GRAMD1A: variants seen among roughly 807,000 people sequenced by gnomAD.
GRAMD1A encodes GRAM domain containing 1A.
Under a neutral mutation model 92.0 loss-of-function variants are expected in GRAMD1A, and 50 were observed. That is an observed-to-expected ratio of 0.54 (90% CI 0.43 to 0.69). GRAMD1A has a LOEUF of 0.69. GRAMD1A is among the 30% of genes least tolerant of loss of function. The pLI is 0.00. For missense variants in GRAMD1A, 819 were observed against 978.9 expected (o/e 0.84, Z 2.18); for synonymous variants, 405 against 403.6 (o/e 1.00, Z -0.04).
At chr19:35,016,859 C>T (rs113347124) in intron 11 of GRAMD1A, among the ~76,000 whole-genome samples, 42,040 of 143,044 alleles carry the variant, frequency 0.29, 6,306 homozygotes, top group Middle Eastern at 0.43. Flanking sequence ...GAGCCAAGAT[C>T]GTGCCGTTGC....
intron 11 of GRAMD1A, among the ~76,000 whole-genome samples, chr19:35,018,720 C>T (rs2015818831): frequency 6.6e-6 from 1 of 152,170 alleles, no homozygotes; most frequent in Non-Finnish European, 1.5e-5. Flanking sequence ...AGGAGTGACG[C>T]TCAGGAGGTT....
At position 35,013,549 on chromosome 19, in the gene GRAMD1A, A is replaced by G. The variant is rs2015402959; in HGVS notation, c.728A>G (p.Lys243Arg). ...PLQLNGLGTP[K>R]EVGDVIALSD... ...CCTCCCCTTTCCCACAGGACCCCCA[A>G]GGAAGTGGGAGATGTGATCGCCCTG... Residue 243 changes from lysine to arginine, a missense_variant, in exon 9 of 20, where the codon AAG (lysine) becomes AGG (arginine). By Grantham distance (26) the Lys-to-Arg change is conservative. This residue lies in a region of GRAMD1A where 577 missense variants were observed against 674.6 expected (regional missense o/e 0.86). Transcript: ENST00000317991. The surrounding 1 kb of genome is among the most constrained non-coding windows in gnomAD (Gnocchi z 4.9). 1 of 1,603,632 alleles carries G rather than the reference A, an allele frequency of 6.2e-7. No individual in the cohort carries two copies. Among genetic ancestry groups the G allele is most frequent in the African/African-American group, 1.3e-5 (1 of 74,880 alleles).
intron 10 of GRAMD1A, 142 bp downstream of exon 10, chr19:35,014,529 C>A (rs1044709002): frequency 1.4e-6 from 1 of 710,376 alleles, no homozygotes; most frequent in Non-Finnish European, 2.5e-6. Flanking sequence ...CTAGAAATCT[C>A]TGTCTTTACT....
chr19:35,011,449 C>G, intron 6 of GRAMD1A, 25 bp from the exon 7 acceptor site: 1 of 597,704 alleles, frequency 1.7e-6, no homozygotes, highest in Non-Finnish European at 2.3e-6. Context: ...CTGCTCACAC[C>G]TCTCTCTCTC....
intron 16 of GRAMD1A, 57 bp from the exon 17 acceptor site, chr19:35,022,843 C>CG: frequency 1.1e-5 from 17 of 1,569,768 alleles, no homozygotes; most frequent in Admixed American, 1.8e-5. Context: ...CTGGGGGTGT[C>CG]GGGGGCAGGC....
At chr19:34,995,753 T>G (rs937685381), upstream of GRAMD1A, among the ~76,000 whole-genome samples, 1 of 151,720 alleles carries the variant, frequency 6.6e-6, no homozygotes, top group Non-Finnish European at 1.5e-5. Flanking sequence ...CTAGCTAATT[T>G]TTAACTTTTT....
chr19:35,014,420 G>A (rs765044181), intron 10 of GRAMD1A, 33 bp downstream of exon 10: 30 of 1,574,946 alleles, frequency 1.9e-5, no homozygotes, highest in Middle Eastern at 1.7e-4. Flanking sequence ...ATTCGCCTCC[G>A]GTACTTGCAA....
chr19:35,024,989 A>G (rs1325027545), intron 19 of GRAMD1A: 1 of 152,010 alleles, frequency 6.6e-6, no homozygotes, highest in Non-Finnish European at 1.5e-5. Context: ...GAGTCTCACC[A>G]TGTTGCCCAG....
intron 1 of GRAMD1A, chr19:35,001,318 A>G (rs114475922): frequency 0.018 from 2,702 of 152,610 alleles, 78 homozygotes; most frequent in African/African-American, 0.061. Context: ...GTTGTGTCTC[A>G]TTCCATCTGT....
Position 35,009,861 on chromosome 19 carries a change from A to G in GRAMD1A, c.241-27A>G, listed in dbSNP as rs375560829. On this transcript the variant is annotated intron_variant, in intron 3 of 19. Coordinates refer to ENST00000317991, the MANE Select transcript of GRAMD1A (RefSeq NM_020895.5). ...GCATTGGGAGTGTGAACCCCCATCC[A>G]GGTTCTCACCTCTCAAACTTCCTCA... The G allele has an allele frequency of 1.4e-5, 20 of 1,385,090 alleles. No homozygotes were observed. The African/African-American group carries it at 2.7e-4, about 19-fold the overall frequency. The allele number at this position is 1,385,090 out of a possible 1,614,324, so 85.8% of individuals were successfully genotyped here.
chr19:35,010,127 C>T lies in GRAMD1A; in HGVS notation c.361C>T (p.Gln121Ter). 1 of 1,613,216 alleles carries T rather than the reference C, an allele frequency of 6.2e-7. No individual in the cohort carries two copies. The highest frequency in any genetic ancestry group is 8.5e-7 in the Non-Finnish European group (1 of 1,179,104). Residue 121 changes from glutamine to a stop codon, truncating the protein, a stop_gained, in exon 5 of 20, where the codon CAG becomes TAG. Coordinates refer to ENST00000317991, the MANE Select transcript of GRAMD1A (RefSeq NM_020895.5). LOFTEE classifies it high-confidence loss of function. ...CGCCCTGCAGCGTGAGATCCTGCTCCAGGGCCGCCTCTACCTCTCTGAGAA... is the reference window on the plus strand; with the variant it reads ...CGCCCTGCAGCGTGAGATCCTGCTCTAGGGCCGCCTCTACCTCTCTGAGAA... Reference protein sequence around the residue: ...SCALQREILLQGRLYLSENWI... With the variant: ...SCALQREILL
intron 1 of GRAMD1A, among the ~76,000 whole-genome samples, chr19:35,001,539 G>C (rs2014370974): frequency 6.6e-6 from 1 of 152,108 alleles, no homozygotes; most frequent in African/African-American, 2.4e-5. Context: ...AAGTGTGCCT[G>C]GGGCTCTGGG....
At chr19:35,008,990 A>T (rs946582994) in intron 1 of GRAMD1A, 129 bp from the exon 2 acceptor site, 1 of 686,764 alleles carries the variant, frequency 1.5e-6, no homozygotes, top group Admixed American at 2.3e-5. Context: ...TGCTGGGAAG[A>T]GAAACAGGAT....
intron 1 of GRAMD1A, among the ~76,000 whole-genome samples, chr19:35,001,487 G>GT (rs1217970911): frequency 6.6e-6 from 1 of 152,172 alleles, no homozygotes; most frequent in South Asian, 2.1e-4. Context: ...GTTGCTGTAA[G>GT]TTACCAGTGT....
chr19:35,014,438 T>C (rs750635733), intron 10 of GRAMD1A, 51 bp downstream of exon 10: 2 of 1,527,716 alleles, frequency 1.3e-6, no homozygotes, highest in South Asian at 1.1e-5. Context: ...CAAGCCTCGC[T>C]CAGTCTTAAG....
chr19:34,995,557 C>T (rs1216964624), upstream of GRAMD1A, among the ~76,000 whole-genome samples: 1 of 138,000 alleles, frequency 7.2e-6, no homozygotes, highest in Admixed American at 7.3e-5. Flanking sequence ...ATCTCTCTGA[C>T]TCTCAGATCA....
chr19:35,009,359 A>G (rs1444458551), intron 2 of GRAMD1A, 30 bp downstream of exon 2: 12 of 1,613,270 alleles, frequency 7.4e-6, no homozygotes, highest in Non-Finnish European at 1.0e-5. Context: ...GGGTGGGGAG[A>G]GGGCTAGTGG....
intron 10 of GRAMD1A, 59 bp from the exon 11 acceptor site, chr19:35,015,765 C>T (rs1341327165): frequency 4.5e-6 from 7 of 1,547,452 alleles, no homozygotes; most frequent in East Asian, 2.3e-5. Flanking sequence ...GGAGGCGTGG[C>T]CCGCAGAGGG....
chr19:34,997,949 T>A (rs1231777814), upstream of GRAMD1A, among the ~76,000 whole-genome samples: 1 of 151,274 alleles, frequency 6.6e-6, no homozygotes, highest in African/African-American at 2.4e-5. Flanking sequence ...ATGCCTGTAA[T>A]CCCAGCTATT....
Sources: gnomAD v4.1 joint callset for allele counts (sites outside exome capture counted in the v4.1 genomes callset) on GRCh38, gnomAD v4.1.1 for gene constraint, gnomAD v4.1.1 regional missense constraint, Gnocchi (gnomAD v3.1) non-coding constraint, MANE v1.5 for transcripts, NCBI Gene and HGNC (gene_info 2026-07-23, HGNC 2026-07-21) for gene names.